Variants in OTUD7A observed in about 807,000 individuals in gnomAD.
The protein encoded by OTUD7A is OTU deubiquitinase 7A.
OTUD7A carries 12 observed loss-of-function variants against 65.7 expected under a neutral mutation model. The observed-to-expected ratio is 0.18, with a 90% CI of 0.12 to 0.30. The LOEUF (loss-of-function observed/expected upper bound fraction) is 0.30. Ranked by LOEUF, OTUD7A falls within the 10% of genes least tolerant of loss-of-function variation. The pLI is 1.00. For synonymous variants in OTUD7A, 641 were observed against 586.3 expected, an observed-to-expected ratio of 1.09 and a Z score of -1.35; for missense variants, 1,148 against 1,304.8, an observed-to-expected ratio of 0.88 and a Z score of 1.85.
rs1228762573 is a variant in OTUD7A, at chr15:31,479,534, GT to G, written c.*3759del. ...TACACACATGGATTTGGAAAAGTCTGTTTTTTCTTGTACAAATTTCCCACCA... is the reference window on the plus strand; with the variant it reads ...TACACACATGGATTTGGAAAAGTCTGTTTTTCTTGTACAAATTTCCCACCA... On this transcript the variant is annotated 3_prime_UTR_variant, in exon 13 of 13. Coordinates refer to ENST00000307050, the MANE Select transcript of OTUD7A (RefSeq NM_001382637.1). The G allele has an allele frequency of 6.6e-6, 1 of 152,110 alleles. No individual in the cohort carries two copies. The highest frequency in any genetic ancestry group is 1.5e-5 in the Non-Finnish European group (1 of 68,022). The allele number at this position is 152,110 out of a possible 1,614,324, so 9.4% of individuals were successfully genotyped here. A position where few individuals can be genotyped will look rare whatever the true frequency, so the allele number is the denominator to read the frequency against.
At chr15:31,773,900 A>T (rs1249078513) in intron 1 of OTUD7A, among the ~76,000 whole-genome samples, 1 of 152,262 alleles carries the variant, frequency 6.6e-6, no homozygotes, top group Non-Finnish European at 1.5e-5. Flanking sequence ...ATCGACTCAC[A>T]ATCTGTTGAC....
rs992086443 is a variant in OTUD7A at position 31,480,510 on chromosome 15, C to T, written c.*2784G>A. The T allele has an allele frequency of 6.6e-6, 1 of 152,340 alleles. No individual in the cohort carries two copies. Among genetic ancestry groups the T allele is most frequent in the African/African-American group, 2.4e-5 (1 of 41,450 alleles). 9.4% of individuals were successfully genotyped at this position (152,340 alleles called of 1,614,324 possible). A position where few individuals can be genotyped will look rare whatever the true frequency, so the allele number is the denominator to read the frequency against. ...GCACCCCGGTAGGACTCACCTTCTT[C>T]CCTTTCTCCCTGCTCCACAAAGGGC... On this transcript the variant is annotated 3_prime_UTR_variant, in exon 13 of 13. Coordinates refer to ENST00000307050, the MANE Select transcript of OTUD7A (RefSeq NM_001382637.1).
intron 1 of OTUD7A, among the ~76,000 whole-genome samples, chr15:31,739,615 C>T (rs560214519): frequency 6.6e-6 from 1 of 151,792 alleles, no homozygotes; most frequent in Non-Finnish European, 1.5e-5. Flanking sequence ...TTTTTGGAGA[C>T]AGAGTGTCAC....
chr15:31,568,251 A>G (rs1888938190), intron 4 of OTUD7A, among the ~76,000 whole-genome samples: 2 of 152,256 alleles, frequency 1.3e-5, no homozygotes, highest in Admixed American at 6.5e-5. Context: ...TTGGGAGTCC[A>G]CCTCTTGCAC....
intron 3 of OTUD7A, among the ~76,000 whole-genome samples, chr15:31,612,011 A>ATT (rs1890439014): frequency 1.3e-5 from 2 of 152,260 alleles, no homozygotes; most frequent in Admixed American, 1.3e-4. Context: ...CAAGTTGATA[A>ATT]ATGTGATACA....
At chr15:31,579,551 T>C (rs1469381287) in intron 3 of OTUD7A, among the ~76,000 whole-genome samples, 1 of 152,260 alleles carries the variant, frequency 6.6e-6, no homozygotes, top group Non-Finnish European at 1.5e-5. Context: ...GATTTCATCA[T>C]GCTACTCAGA....
chr15:31,625,454 C>T (rs562392623), intron 3 of OTUD7A, among the ~76,000 whole-genome samples: 1 of 150,830 alleles, frequency 6.6e-6, no homozygotes, highest in Non-Finnish European at 1.5e-5. Flanking sequence ...CATACAAATG[C>T]ACCAGAATGG....
At chr15:31,619,453 G>A (rs1230590996) in intron 3 of OTUD7A, among the ~76,000 whole-genome samples, 16 of 152,154 alleles carry the variant, frequency 1.1e-4, no homozygotes, top group African/African-American at 3.6e-4. Flanking sequence ...ATTTCATTGA[G>A]TGGTTTGTAG....
intron 3 of OTUD7A, among the ~76,000 whole-genome samples, chr15:31,590,154 T>A (rs962640064): frequency 2.0e-5 from 3 of 152,206 alleles, no homozygotes; most frequent in Non-Finnish European, 4.4e-5. Flanking sequence ...AACTTCATAG[T>A]GCAACACATA....
At chr15:31,649,498 C>T (rs960410637) in intron 3 of OTUD7A, among the ~76,000 whole-genome samples, 9 of 152,104 alleles carry the variant, frequency 5.9e-5, no homozygotes, top group African/African-American at 1.7e-4. Context: ...GATTTATTTC[C>T]CTTTAGACAT....
intron 1 of OTUD7A, among the ~76,000 whole-genome samples, chr15:31,777,634 GC>G (rs1420499830): frequency 6.6e-6 from 1 of 152,068 alleles, no homozygotes; most frequent in Non-Finnish European, 1.5e-5. Flanking sequence ...GCTACTGCAG[GC>G]CCCCCATCCC....
chr15:31,677,342 T>C (rs556881034), intron 1 of OTUD7A, among the ~76,000 whole-genome samples: 1 of 152,260 alleles, frequency 6.6e-6, no homozygotes, highest in South Asian at 2.1e-4. Context: ...GGGATGTTCA[T>C]TTTAGCATTT....
intron 1 of OTUD7A, among the ~76,000 whole-genome samples, chr15:31,780,162 C>T (rs540347754): frequency 6.6e-6 from 1 of 152,318 alleles, no homozygotes; most frequent in South Asian, 2.1e-4. Context: ...TACAGAATCA[C>T]TTAAAAATAA....
intron 1 of OTUD7A, among the ~76,000 whole-genome samples, chr15:31,684,003 G>T (rs1413795001): frequency 6.6e-6 from 1 of 152,132 alleles, no homozygotes; most frequent in Admixed American, 6.5e-5. Context: ...ATTGGCTCAA[G>T]ACCAAATAAG....
intron 3 of OTUD7A, among the ~76,000 whole-genome samples, chr15:31,587,407 G>A (rs576675255): frequency 2.4e-3 from 366 of 152,164 alleles, no homozygotes; most frequent in South Asian, 6.2e-3. Flanking sequence ...GGAGGCTGAG[G>A]CAGGTGGATC....
intron 3 of OTUD7A, among the ~76,000 whole-genome samples, chr15:31,600,199 T>A (rs1407479919): frequency 6.6e-6 from 1 of 152,142 alleles, no homozygotes; most frequent in Non-Finnish European, 1.5e-5. Context: ...CCAAGATACA[T>A]AATCGTCAGA....
At chr15:31,509,734 G>A (rs1288862616) in intron 8 of OTUD7A, among the ~76,000 whole-genome samples, 17 of 151,136 alleles carry the variant, frequency 1.1e-4, no homozygotes, top group Admixed American at 1.1e-3. Flanking sequence ...ACATTTAGGA[G>A]GCCTAATTAC....
chr15:31,558,241 C>T (rs1285947417), intron 5 of OTUD7A: 1 of 152,238 alleles, frequency 6.6e-6, no homozygotes, highest in East Asian at 1.9e-4. Flanking sequence ...ACTGGCATTG[C>T]TTTGTCTCAG....
At chr15:31,664,403 A>G (rs1177963947) in intron 1 of OTUD7A, among the ~76,000 whole-genome samples, 2 of 151,106 alleles carry the variant, frequency 1.3e-5, no homozygotes, top group Non-Finnish European at 2.9e-5. Flanking sequence ...TTTGATTTCC[A>G]TTTCCCTGAC....
Sources: gnomAD v4.1 joint callset for allele counts (sites outside exome capture counted in the v4.1 genomes callset) on GRCh38, gnomAD v4.1.1 for gene constraint, MANE v1.5 for transcripts, NCBI Gene and HGNC (gene_info 2026-07-23, HGNC 2026-07-21) for gene names.